The following NIT2 variants were observed in gnomAD, a reference collection of about 807,000 sequenced individuals.
The protein encoded by NIT2 is omega-amidase NIT2.
NIT2 carries 46 observed loss-of-function variants against 42.7 expected under a neutral mutation model. That is an observed-to-expected ratio of 1.08 (90% CI 0.85 to 1.38). The LOEUF is 1.38. Among genes scored for constraint, NIT2 ranks in the 40% most tolerant of loss-of-function variants. The probability of loss-of-function intolerance (pLI) is 0.00; values close to 1 mark genes in which losing one functional copy is unlikely to be tolerated. For synonymous variants in NIT2, 123 were observed against 121.9 expected (o/e 1.01, Z -0.06); for missense variants, 309 against 342.5 (o/e 0.90, Z 0.77).
intron 1 of NIT2, among the ~76,000 whole-genome samples, chr3:100,337,488 CTG>C (rs934502930): frequency 7.2e-5 from 11 of 152,142 alleles, no homozygotes; most frequent in African/African-American, 2.7e-4. Flanking sequence ...GAGTCTCACT[CTG>C]TCGTCCAGGC....
At chr3:100,354,989 G>GGAGT (rs1341569693) in intron 9 of NIT2, among the ~76,000 whole-genome samples, 162 bp downstream of exon 9, 1 of 152,090 alleles carries the variant, frequency 6.6e-6, no homozygotes, top group Non-Finnish European at 1.5e-5. Flanking sequence ...CAATCCCTGG[G>GGAGT]GAGTGTATCA....
At chr3:100,352,608 C>T (rs1039628199) in intron 8 of NIT2, 106 bp downstream of exon 8, 19 of 719,792 alleles carry the variant, frequency 2.6e-5, no homozygotes, top group Middle Eastern at 2.5e-4. Context: ...GCTCACTTCT[C>T]ACTCCCATTT....
At chr3:100,350,679 A>T (rs1250006167) in intron 7 of NIT2, among the ~76,000 whole-genome samples, 2 of 152,176 alleles carry the variant, frequency 1.3e-5, no homozygotes, top group Non-Finnish European at 2.9e-5. Flanking sequence ...ATCTCTAGAC[A>T]TTGTCAAATT....
rs376508832 is a variant in NIT2, at chr3:100,352,479, A to C, written c.660A>C (p.Gly220=). ...ACAAAGCCTCCTATGTTGCCTGGGG[A>C]CACAGCACCGTGGTGAACCCTTGGT... ...RDDKASYVAW[G]HSTVVNPWGE... Residue 220 remains glycine, a synonymous_variant, in exon 8 of 10, where the codon GGA becomes GGC. Transcript: ENST00000394140. 3.7e-6 allele frequency: 6 copies of C among 1,613,278 alleles called. No individual in the cohort carries two copies. The highest frequency in any genetic ancestry group is 5.1e-6 in the Non-Finnish European group (6 of 1,179,412).
chr3:100,336,697 C>A lies in NIT2; in HGVS notation c.7+1899C>A, dbSNP rs543999817. Among the ~76,000 whole-genome samples, 27 of 152,360 alleles carry A rather than the reference C, an allele frequency of 1.8e-4. No individual in the cohort carries two copies. The East Asian group carries it at 2.5e-3, about 14-fold the overall frequency. The stretch of plus-strand genomic sequence containing the variant: ...AGCAGTATTGCTGCCCGCCTGTCCC[C>A]CTTCCAGCCCTAAGGCGGTTTTCCC... On this transcript the variant is annotated intron_variant, in intron 1 of 9. Coordinates refer to ENST00000394140, the MANE Select transcript of NIT2 (RefSeq NM_020202.5).
At chr3:100,351,418 A>G (rs201821325) in intron 7 of NIT2, among the ~76,000 whole-genome samples, 2,935 of 152,270 alleles carry the variant, frequency 0.019, 56 homozygotes, top group East Asian at 0.094. Flanking sequence ...GATATAGATC[A>G]ATGGAACAGA....
chr3:100,356,478 TG>T lies in NIT2; in HGVS notation c.*1212del, dbSNP rs1706326375. ...CCATTTACCATATTGGAAAGTAAAATGGAGAAAAATTTAAAACACAAGATAC... is the reference window on the plus strand; with the variant it reads ...CCATTTACCATATTGGAAAGTAAAATGAGAAAAATTTAAAACACAAGATAC... On this transcript the variant is annotated 3_prime_UTR_variant, in exon 10 of 10. Transcript: ENST00000394140. 2 of 152,110 alleles carry T rather than the reference TG, an allele frequency of 1.3e-5. No homozygotes were observed. The highest frequency in any genetic ancestry group is 2.9e-5 in the Non-Finnish European group (2 of 68,010). 9.4% of individuals were successfully genotyped at this position (152,110 alleles called of 1,614,324 possible).
At chr3:100,352,219 A>G (rs545506216) in intron 7 of NIT2, among the ~76,000 whole-genome samples, 185 bp from the exon 8 acceptor site, 1 of 152,238 alleles carries the variant, frequency 6.6e-6, no homozygotes, top group Non-Finnish European at 1.5e-5. Flanking sequence ...TCAGGGATCT[A>G]GAACTAGAAA....
At chr3:100,346,373 A>G in intron 6 of NIT2, 118 bp downstream of exon 6, 1 of 862,706 alleles carries the variant, frequency 1.2e-6, no homozygotes. Context: ...CTCCATCTTC[A>G]GCCCTTTCAC....
intron 4 of NIT2, among the ~76,000 whole-genome samples, chr3:100,345,089 G>A (rs1205635388): frequency 3.3e-5 from 5 of 151,504 alleles, no homozygotes; most frequent in Non-Finnish European, 7.4e-5. Context: ...TGGGTAGCTG[G>A]GACTACAGGC....
Position 100,359,548 on chromosome 3 carries a change from G to A in NIT2, c.*4280G>A, listed in dbSNP as rs1380597291. The A allele has an allele frequency of 6.6e-6, 1 of 152,074 alleles. No individual in the cohort carries two copies. Among genetic ancestry groups the A allele is most frequent in the African/African-American group, 2.4e-5 (1 of 41,324 alleles). 9.4% of individuals were successfully genotyped at this position (152,074 alleles called of 1,614,324 possible). ...CTGGCAGATTACTAAAGACCGATTTGTAGACCTGTCCATGTGGCCTCTCTC... is the reference window on the plus strand; with the variant it reads ...CTGGCAGATTACTAAAGACCGATTTATAGACCTGTCCATGTGGCCTCTCTC... On this transcript the variant is annotated 3_prime_UTR_variant, in exon 10 of 10. Transcript: ENST00000394140.
rs1010853441 is a variant in NIT2, at chr3:100,357,462, G to A, written c.*2194G>A. 1 of 151,870 alleles carries A rather than the reference G, an allele frequency of 6.6e-6. No homozygotes were observed. Among genetic ancestry groups the A allele is most frequent in the Non-Finnish European group, 1.5e-5 (1 of 67,976 alleles). The allele number at this position is 151,870 out of a possible 1,614,324, so 9.4% of individuals were successfully genotyped here. A position where few individuals can be genotyped will look rare whatever the true frequency, so the allele number is the denominator to read the frequency against. On this transcript the variant is annotated 3_prime_UTR_variant, in exon 10 of 10. Transcript: ENST00000394140. ...GTGTGGAACCTAGGAACCTTCTCTT[G>A]GATTTTCTCTTATTCCCCAAAAAAC...
rs766830066 is a variant in NIT2 at position 100,345,682 on chromosome 3, T to G, written c.430+4T>G. Reference sequence around the variant, plus strand: ...AGTTTCTCCACATTTGATACTCGTATGTACCAGATAAGTTTGCCTCTTTAG... The same window carrying G: ...AGTTTCTCCACATTTGATACTCGTAGGTACCAGATAAGTTTGCCTCTTTAG... On this transcript the variant is annotated splice_donor_region_variant and intron_variant, in intron 5 of 9. Transcript: ENST00000394140. 6.3e-7 allele frequency: 1 copy of G among 1,588,498 alleles called. No individual in the cohort carries two copies. Among genetic ancestry groups the G allele is most frequent in the Non-Finnish European group, 8.6e-7 (1 of 1,157,250 alleles).
intron 4 of NIT2, among the ~76,000 whole-genome samples, chr3:100,342,623 A>G (rs994270295): frequency 1.3e-5 from 2 of 152,028 alleles, no homozygotes; most frequent in African/African-American, 4.8e-5. Flanking sequence ...GTGAAATTTA[A>G]GAACCTTATA....
chr3:100,340,921 G>A (rs987335716), intron 3 of NIT2, 152 bp from the exon 4 acceptor site: 27 of 604,058 alleles, frequency 4.5e-5, no homozygotes, highest in Middle Eastern at 2.8e-4. Flanking sequence ...TATAGAATGA[G>A]GTGTTGCCTT....
In NIT2 at chr3:100,355,348, A is replaced by T; in HGVS notation, c.*80A>T. The T allele has an allele frequency of 1.7e-6, 2 of 1,149,094 alleles. No homozygotes were observed. Among genetic ancestry groups the T allele is most frequent in the Non-Finnish European group, 1.3e-6 (1 of 793,268 alleles). 71.2% of individuals were successfully genotyped at this position (1,149,094 alleles called of 1,614,324 possible). On this transcript the variant is annotated 3_prime_UTR_variant, in exon 10 of 10. Coordinates refer to ENST00000394140, the MANE Select transcript of NIT2 (RefSeq NM_020202.5). The stretch of plus-strand genomic sequence containing the variant: ...CAACTCCCTATTAAATTCTTTAATG[A>T]AGATTTTTTTTTTAATTCGGCCTTG...
chr3:100,341,308 T>C, intron 4 of NIT2, 147 bp downstream of exon 4: 2 of 606,924 alleles, frequency 3.3e-6, no homozygotes, highest in Non-Finnish European at 6.0e-6. Context: ...TGGTTATTCT[T>C]GGCCATTTGC....
At chr3:100,341,291 G>A (rs1228184) in intron 4 of NIT2, 130 bp downstream of exon 4, 69,597 of 634,018 alleles carry the variant, frequency 0.11, 9,535 homozygotes, top group East Asian at 0.46. Flanking sequence ...TGACTGATTG[G>A]CACAGGTGGT....
rs532723964 is a variant in NIT2 at position 100,357,118 on chromosome 3, T to A, written c.*1850T>A. The A allele has an allele frequency of 4.6e-5, 7 of 152,316 alleles. No homozygotes were observed. In the East Asian group the frequency reaches 1.3e-3, roughly 29 times the overall value. 9.4% of individuals were successfully genotyped at this position (152,316 alleles called of 1,614,324 possible). A position where few individuals can be genotyped will look rare whatever the true frequency, so the allele number is the denominator to read the frequency against. Reference sequence around the variant, plus strand: ...GTAGTATACAATTTGTTTATCCATTTATCTGCTGTTGGAGATTTGGGCTAT... The same window carrying A: ...GTAGTATACAATTTGTTTATCCATTAATCTGCTGTTGGAGATTTGGGCTAT... On this transcript the variant is annotated 3_prime_UTR_variant, in exon 10 of 10. Coordinates refer to ENST00000394140, the MANE Select transcript of NIT2 (RefSeq NM_020202.5).
Sources: allele counts gnomAD v4.1 joint callset (sites outside exome capture counted in the v4.1 genomes callset), GRCh38; gene constraint gnomAD v4.1.1; transcripts MANE v1.5; gene names NCBI Gene and HGNC (gene_info 2026-07-23, HGNC 2026-07-21).